ADGRB3: variants seen among roughly 807,000 people sequenced by gnomAD.
The protein encoded by ADGRB3 is brain-specific angiogenesis inhibitor 3.
In ADGRB3, 37 loss-of-function variants were observed where a neutral mutation model predicts 193.4. The observed-to-expected ratio is 0.19, with a 90% confidence interval of 0.15 to 0.25. The LOEUF is 0.25. Among genes scored for constraint, ADGRB3 ranks in the 10% least tolerant of loss-of-function variants. The pLI is 1.00. For missense variants in ADGRB3, 1,637 were observed against 1,852.9 expected (o/e 0.88, Z 2.14); for synonymous variants, 690 against 644.2 (o/e 1.07, Z -1.08).
chr6:69,029,720 T>C (rs1164875228), intron 13 of ADGRB3, among the ~76,000 whole-genome samples: 1 of 152,056 alleles, frequency 6.6e-6, no homozygotes, highest in Non-Finnish European at 1.5e-5. Flanking sequence ...GAGTAGTATA[T>C]CTTTCTATAC....
chr6:69,196,901 G>A (rs1765310393), intron 17 of ADGRB3, among the ~76,000 whole-genome samples: 1 of 152,058 alleles, frequency 6.6e-6, no homozygotes, highest in Non-Finnish European at 1.5e-5. Context: ...AGGCATTAGG[G>A]TCAGACATAT....
In ADGRB3 at chr6:69,040,388, T is replaced by C. The variant is rs1389449581; in HGVS notation, c.2108-7797T>C. On this transcript the variant is annotated intron_variant, in intron 13 of 31. Transcript: ENST00000370598. ...TTCTTTCTTTCTTTCCTTCTCTCTC[T>C]TTCTTTCCTTCACGCAGGTGACTCC... is the stretch of plus-strand genomic sequence containing the variant. Among the ~76,000 whole-genome samples the C allele has an allele frequency of 5.5e-5, 8 of 145,154 alleles. No homozygotes were observed. The East Asian group carries it at 1.7e-3, about 31-fold the overall frequency.
chr6:68,709,993 G>C (rs1304584881), intron 3 of ADGRB3, among the ~76,000 whole-genome samples: 1 of 152,018 alleles, frequency 6.6e-6, no homozygotes, highest in Admixed American at 6.6e-5. Context: ...TAAAATAATG[G>C]TAATAGCTGA....
chr6:68,754,206 T>C (rs1767866769), intron 3 of ADGRB3, among the ~76,000 whole-genome samples: 1 of 152,220 alleles, frequency 6.6e-6, no homozygotes, highest in Non-Finnish European at 1.5e-5. Flanking sequence ...ATGTTTATCA[T>C]GAGTTAGGCA....
rs1766170284 is a variant in ADGRB3, at chr6:69,232,710, C to T, written c.2481-580C>T. ...AGCTGATGCCGCTGCTGCTGCTTCC[C>T]GTTTCCAGGGTGAAATTTTCACAGC... On this transcript the variant is annotated intron_variant, in intron 17 of 31. Transcript: ENST00000370598. The T allele has an allele frequency of 4.0e-6, 5 of 1,252,856 alleles. No individual in the cohort carries two copies. In the East Asian group the frequency reaches 1.0e-4, roughly 26 times the overall value. The allele number at this position is 1,252,856 out of a possible 1,614,324, so 77.6% of individuals were successfully genotyped here. A position where few individuals can be genotyped will look rare whatever the true frequency, so the allele number is the denominator to read the frequency against.
chr6:68,748,868 A>T (rs1237070210), intron 3 of ADGRB3, among the ~76,000 whole-genome samples: 1 of 152,210 alleles, frequency 6.6e-6, no homozygotes, highest in Non-Finnish European at 1.5e-5. Flanking sequence ...ATCTTCTGAA[A>T]TCTAGGTGGA....
chr6:68,946,626 A>T (rs913942641), intron 6 of ADGRB3, among the ~76,000 whole-genome samples: 2 of 152,130 alleles, frequency 1.3e-5, no homozygotes, highest in Admixed American at 6.6e-5. Context: ...GTAGATCAGG[A>T]CCTGCACTAG....
At chr6:69,205,013 T>G (rs919263376) in intron 17 of ADGRB3, among the ~76,000 whole-genome samples, 1 of 152,132 alleles carries the variant, frequency 6.6e-6, no homozygotes, top group Non-Finnish European at 1.5e-5. Flanking sequence ...AAGTTAAAAT[T>G]TTTCCTGTAA....
chr6:69,172,551 G>C (rs1020222659), intron 17 of ADGRB3, among the ~76,000 whole-genome samples: 3 of 138,696 alleles, frequency 2.2e-5, no homozygotes, highest in African/African-American at 8.0e-5. Context: ...GGCTGAGGCA[G>C]AAGAATGGCG....
intron 3 of ADGRB3, among the ~76,000 whole-genome samples, chr6:68,738,297 G>A (rs1376125913): frequency 6.6e-6 from 1 of 152,142 alleles, no homozygotes; most frequent in Non-Finnish European, 1.5e-5. Context: ...GTATTACCTT[G>A]CAGGCCAGTA....
intron 13 of ADGRB3, among the ~76,000 whole-genome samples, chr6:69,039,987 GC>G: frequency 6.6e-6 from 1 of 152,072 alleles, no homozygotes; most frequent in Admixed American, 6.5e-5. Flanking sequence ...TGATCCGCCC[GC>G]CTCGGCCTCC....
At chr6:68,931,122 A>G (rs926535920) in intron 4 of ADGRB3, among the ~76,000 whole-genome samples, 2 of 152,006 alleles carry the variant, frequency 1.3e-5, no homozygotes, top group Non-Finnish European at 2.9e-5. Flanking sequence ...CAGAAAATAT[A>G]AACTTTTAAA....
intron 13 of ADGRB3, 114 bp from the exon 14 acceptor site, chr6:69,048,071 C>A (rs1771288926): frequency 8.7e-7 from 1 of 1,146,594 alleles, no homozygotes; most frequent in Non-Finnish European, 1.2e-6. Context: ...CTGATAAATA[C>A]AATTTTGACT....
At chr6:69,188,909 A>G (rs967172027) in intron 17 of ADGRB3, among the ~76,000 whole-genome samples, 1 of 152,126 alleles carries the variant, frequency 6.6e-6, no homozygotes, top group African/African-American at 2.4e-5. Flanking sequence ...ATGCCTTTTT[A>G]TATGTATCTG....
At chr6:69,348,917 G>A (rs1260330623) in intron 26 of ADGRB3, among the ~76,000 whole-genome samples, 1 of 152,186 alleles carries the variant, frequency 6.6e-6, no homozygotes. Flanking sequence ...AATTGTTTTG[G>A]TTTATTCCTT....
chr6:68,968,365 T>C (rs958897349), intron 8 of ADGRB3, among the ~76,000 whole-genome samples: 6 of 152,170 alleles, frequency 3.9e-5, no homozygotes, highest in Non-Finnish European at 7.3e-5. Context: ...AAAAACTTTC[T>C]GATACCCCGA....
At chr6:68,773,616 A>G (rs762280004) in intron 3 of ADGRB3, among the ~76,000 whole-genome samples, 1 of 152,190 alleles carries the variant, frequency 6.6e-6, no homozygotes, top group African/African-American at 2.4e-5. Context: ...CTGATGTTCA[A>G]TGAAAGACAC....
At chr6:69,316,685 G>T (rs928959289) in intron 20 of ADGRB3, among the ~76,000 whole-genome samples, 1 of 151,458 alleles carries the variant, frequency 6.6e-6, no homozygotes, top group South Asian at 2.1e-4. Context: ...AAATTAGGAG[G>T]TCATGGGTGA....
rs115438052 is a variant in ADGRB3, at chr6:68,732,525, G to A, written c.757+93093G>A. ...TCATTTGGCCATTGTTAAAATTATGGTATGGTATTGAAGATATGGTGAGAA... is the reference window on the plus strand; with the variant it reads ...TCATTTGGCCATTGTTAAAATTATGATATGGTATTGAAGATATGGTGAGAA... On this transcript the variant is annotated intron_variant, in intron 3 of 31. Coordinates refer to ENST00000370598, the MANE Select transcript of ADGRB3 (RefSeq NM_001704.3). 3.9e-4 allele frequency among the ~76,000 whole-genome samples: 60 copies of A among 152,018 alleles called. 2 individuals carry two copies. Among genetic ancestry groups the A allele is most frequent in the African/African-American group, 1.4e-3 (57 of 41,528 alleles).
Sources: gnomAD v4.1 joint callset for allele counts (sites outside exome capture counted in the v4.1 genomes callset) on GRCh38, gnomAD v4.1.1 for gene constraint, MANE v1.5 for transcripts, NCBI Gene and HGNC (gene_info 2026-07-23, HGNC 2026-07-21) for gene names.